SLC30A7: variants seen among roughly 807,000 people sequenced by gnomAD.
SLC30A7 encodes the protein solute carrier family 30 member 7, also known as zinc transporter 7.
Under a neutral mutation model 46.0 loss-of-function variants are expected in SLC30A7, and 35 were observed. The ratio of observed to expected loss-of-function variants is 0.76; its 90% CI spans 0.58 to 1.01. SLC30A7 has a LOEUF of 1.01. SLC30A7 is among the 50% of genes least tolerant of loss of function. SLC30A7 has a pLI of 0.00. For synonymous variants in SLC30A7, 147 were observed against 157.8 expected, an observed-to-expected ratio of 0.93 and a Z score of 0.51; for missense variants, 464 against 451.1, an observed-to-expected ratio of 1.03 and a Z score of -0.26.
chr1:100,943,999 CT>C (rs772792506), intron 8 of SLC30A7, among the ~76,000 whole-genome samples: 3 of 152,098 alleles, frequency 2.0e-5, no homozygotes, highest in Non-Finnish European at 4.4e-5. Flanking sequence ...ATATAGTTAC[CT>C]TTTCGGCAGA....
chr1:100,922,986 T>A (rs1265498903), intron 8 of SLC30A7, among the ~76,000 whole-genome samples: 1 of 151,232 alleles, frequency 6.6e-6, no homozygotes, highest in African/African-American at 2.4e-5. Flanking sequence ...TTTTATAGCT[T>A]GTAGTTTGTT....
chr1:100,991,788 C>CAAAAACAAAAAA, the SLC30A7 span, among the ~76,000 whole-genome samples: 1 of 101,066 alleles, frequency 9.9e-6, no homozygotes, highest in Non-Finnish European at 2.0e-5. Context: ...GACCCCATCT[C>CAAAAACAAAAAA]AAAAAAAAAA....
At chr1:100,920,722 C>T (rs1357744664) in intron 7 of SLC30A7, among the ~76,000 whole-genome samples, 4 of 151,932 alleles carry the variant, frequency 2.6e-5, no homozygotes, top group Non-Finnish European at 5.9e-5. Flanking sequence ...AAAATAATTA[C>T]AGTTCACCCT....
intron 8 of SLC30A7, among the ~76,000 whole-genome samples, chr1:100,924,168 A>G (rs906370590): frequency 6.6e-6 from 1 of 152,220 alleles, no homozygotes; most frequent in Admixed American, 6.5e-5. Context: ...GTATTTAAAT[A>G]TTTTAATGAC....
At chr1:100,982,563 A>G (rs114155072), downstream of SLC30A7, among the ~76,000 whole-genome samples, 442 of 152,254 alleles carry the variant, frequency 2.9e-3, 6 homozygotes, top group African/African-American at 0.01. Context: ...CATTTCCTGA[A>G]TCCCTTATCA....
chr1:100,960,453 T>G (rs916437857), intron 8 of SLC30A7, among the ~76,000 whole-genome samples: 1 of 152,204 alleles, frequency 6.6e-6, no homozygotes, highest in African/African-American at 2.4e-5. Flanking sequence ...TTGCTAGACC[T>G]TGAGAATATA....
At chr1:100,936,368 A>AT (rs754087442) in intron 8 of SLC30A7, among the ~76,000 whole-genome samples, 1 of 152,056 alleles carries the variant, frequency 6.6e-6, no homozygotes, top group South Asian at 2.1e-4. Flanking sequence ...CCCCAAGGGT[A>AT]TTTTTTTGTG....
chr1:100,946,851 A>G (rs1011195254), intron 8 of SLC30A7, among the ~76,000 whole-genome samples: 15 of 152,172 alleles, frequency 9.9e-5, no homozygotes, highest in African/African-American at 3.6e-4. Flanking sequence ...GAATAGTTTC[A>G]GAAGGAATGG....
At chr1:100,947,840 G>A (rs900010676) in intron 8 of SLC30A7, among the ~76,000 whole-genome samples, 2 of 152,116 alleles carry the variant, frequency 1.3e-5, no homozygotes, top group Admixed American at 6.5e-5. Flanking sequence ...TTGTTTTAAA[G>A]TCTGTTTTAT....
intron 8 of SLC30A7, among the ~76,000 whole-genome samples, chr1:100,944,158 C>A (rs1435403936): frequency 6.6e-6 from 1 of 152,178 alleles, no homozygotes; most frequent in Non-Finnish European, 1.5e-5. Flanking sequence ...AAGCCATCCT[C>A]CTACTTCAGC....
At chr1:100,908,109 C>T (rs1651805347) in intron 3 of SLC30A7, among the ~76,000 whole-genome samples, 1 of 151,872 alleles carries the variant, frequency 6.6e-6, no homozygotes, top group Admixed American at 6.6e-5. Flanking sequence ...TGAGCTCTCC[C>T]TTTCCGGTGC....
intron 8 of SLC30A7, among the ~76,000 whole-genome samples, chr1:100,955,724 G>A (rs1302940462): frequency 2.0e-5 from 3 of 151,996 alleles, no homozygotes; most frequent in East Asian, 3.8e-4. Context: ...GAAAAATATG[G>A]ACACAAACTC....
chr1:100,953,159 CTG>C (rs1655046658), intron 8 of SLC30A7, among the ~76,000 whole-genome samples: 1 of 152,208 alleles, frequency 6.6e-6, no homozygotes, highest in African/African-American at 2.4e-5. Flanking sequence ...TCTGCCATGA[CTG>C]TAAATTTCCT....
intron 5 of SLC30A7, 41 bp downstream of exon 5, chr1:100,912,279 G>T: frequency 6.3e-7 from 1 of 1,595,256 alleles, no homozygotes; most frequent in South Asian, 1.1e-5. Context: ...TTTTCTACTA[G>T]GTTTCTGTCA....
At chr1:100,963,569 C>A (rs879291082) in intron 9 of SLC30A7, among the ~76,000 whole-genome samples, 1 of 152,004 alleles carries the variant, frequency 6.6e-6, no homozygotes, top group African/African-American at 2.4e-5. Context: ...GAGTTGATAG[C>A]GGATATGGAT....
the SLC30A7 span, among the ~76,000 whole-genome samples, chr1:100,994,883 T>A: frequency 1.6e-4 from 24 of 152,188 alleles, no homozygotes; most frequent in Non-Finnish European, 2.4e-4. Flanking sequence ...ACACTGAGTG[T>A]CTGTTAGATG....
intron 2 of SLC30A7, among the ~76,000 whole-genome samples, chr1:100,897,703 G>A (rs550007543): frequency 6.6e-6 from 1 of 152,186 alleles, no homozygotes; most frequent in Admixed American, 6.5e-5. Flanking sequence ...TATAATGCTT[G>A]GGCTTCTTTC....
chr1:100,913,848 C>G (rs1250121902), intron 6 of SLC30A7, 42 bp downstream of exon 6: 1 of 1,576,360 alleles, frequency 6.3e-7, no homozygotes, highest in Non-Finnish European at 8.6e-7. Context: ...TCCAAATAAA[C>G]AAGAGTTTTG....
chr1:100,903,216 G>C (rs148260533), intron 2 of SLC30A7, among the ~76,000 whole-genome samples: 9 of 152,066 alleles, frequency 5.9e-5, no homozygotes, highest in African/African-American at 1.9e-4. Flanking sequence ...CATTTTATCA[G>C]AGTAGAAAGA....
Sources: gnomAD v4.1 joint callset for allele counts (sites outside exome capture counted in the v4.1 genomes callset) on GRCh38, gnomAD v4.1.1 for gene constraint, MANE v1.5 for transcripts, NCBI Gene and HGNC (gene_info 2026-07-23, HGNC 2026-07-21) for gene names.